Variants in MCTP2 observed in about 807,000 individuals in gnomAD.
MCTP2 encodes the protein multiple C2 and transmembrane domain containing 2.
Under a neutral mutation model 111.6 loss-of-function variants are expected in MCTP2, and 132 were observed. The observed-to-expected ratio is 1.18, with a 90% CI of 1.03 to 1.37. The LOEUF (loss-of-function observed/expected upper bound fraction) is 1.37. Among genes scored for constraint, MCTP2 ranks in the 40% most tolerant of loss-of-function variants. MCTP2 has a pLI of 0.00. For synonymous variants in MCTP2, 395 were observed against 387.7 expected, an observed-to-expected ratio of 1.02 and a Z score of -0.22; for missense variants, 1,183 against 1,067.9, an observed-to-expected ratio of 1.11 and a Z score of -1.50.
At chr15:94,295,534 A>T (rs1224899232) in intron 1 of MCTP2, among the ~76,000 whole-genome samples, 1 of 152,098 alleles carries the variant, frequency 6.6e-6, no homozygotes, top group African/African-American at 2.4e-5. Flanking sequence ...TATTTCACAC[A>T]TGTGCTGAGT....
Position 94,356,240 on chromosome 15 carries a change from G to C in MCTP2, c.1109G>C (p.Gly370Ala). The change falls in exon 9 of 23, where the codon GGA (glycine) becomes GCA (alanine). Residue 370 changes from glycine (G) to alanine (A), a missense_variant. Transcript: ENST00000357742. ...TTGTTGGAAGGGAAGAATGTCTCAG[G>C]AGGAAGCATGACAGAGATGTTTGTC... Reference protein sequence around the residue: ...ITLLEGKNVSGGSMTEMFVQL... With the variant: ...ITLLEGKNVSAGSMTEMFVQL... 6.2e-7 allele frequency: 1 copy of C among 1,613,352 alleles called. No individual in the cohort carries two copies. Among genetic ancestry groups the C allele is most frequent in the Non-Finnish European group, 8.5e-7 (1 of 1,179,582 alleles).
chr15:94,356,389 T>C, intron 9 of MCTP2, 88 bp downstream of exon 9: 2 of 1,254,920 alleles, frequency 1.6e-6, no homozygotes, highest in Non-Finnish European at 2.1e-6. Context: ...TTTACAAAAG[T>C]AGAAGTAATT....
intron 1 of MCTP2, among the ~76,000 whole-genome samples, chr15:94,285,849 C>G (rs1035371521): frequency 6.6e-6 from 1 of 152,186 alleles, no homozygotes; most frequent in South Asian, 2.1e-4. Context: ...AAGATAGGAT[C>G]TTACTTCTCT....
intron 4 of MCTP2, among the ~76,000 whole-genome samples, chr15:94,316,035 T>C (rs530366531): frequency 1.6e-4 from 24 of 152,268 alleles, no homozygotes; most frequent in African/African-American, 5.8e-4. Flanking sequence ...TTTGAAACTA[T>C]CTCCCTTCTG....
At position 94,325,812 on chromosome 15, in the gene MCTP2, A is replaced by ATTTT. The variant is rs557989149; in HGVS notation, c.637+10198_637+10201dup. On this transcript the variant is annotated intron_variant, in intron 4 of 22. Coordinates refer to ENST00000357742, the MANE Select transcript of MCTP2 (RefSeq NM_001385001.1). The stretch of plus-strand genomic sequence containing the variant: ...GAACCTACTCTACTCCATCGCTCCG[A>ATTTT]TTTTTTTTTTTTTTTTTTTTTTTTT... Among the ~76,000 whole-genome samples the ATTTT allele has an allele frequency of 3.0e-4, 28 of 91,874 alleles. 3 individuals carry two copies. Among genetic ancestry groups the ATTTT allele is most frequent in the South Asian group, 3.8e-4 (1 of 2,606 alleles). The allele number at this position is 91,874 out of a possible 152,430, so 60.3% of individuals were successfully genotyped here. A position where few individuals can be genotyped will look rare whatever the true frequency, so the allele number is the denominator to read the frequency against.
chr15:94,316,446 T>A (rs1205954932), intron 4 of MCTP2, among the ~76,000 whole-genome samples: 1 of 152,192 alleles, frequency 6.6e-6, no homozygotes, highest in Admixed American at 6.5e-5. Flanking sequence ...TGGGCCCGGA[T>A]CTTGGCTTCT....
chr15:94,382,540 C>G (rs1185859197), intron 12 of MCTP2, among the ~76,000 whole-genome samples: 1 of 152,260 alleles, frequency 6.6e-6, no homozygotes, highest in East Asian at 1.9e-4. Flanking sequence ...ATCGCCCATG[C>G]GTCTGCTCTT....
chr15:94,464,260 TA>T lies in MCTP2; in HGVS notation c.2360+6015del, dbSNP rs71135512. On this transcript the variant is annotated intron_variant, in intron 20 of 22. Coordinates refer to ENST00000357742, the MANE Select transcript of MCTP2 (RefSeq NM_001385001.1). ...ATATAATATATATATATATATATTATATATATATATATATATATAAACGTCA... is the reference window on the plus strand; with the variant it reads ...ATATAATATATATATATATATATTATTATATATATATATATATAAACGTCA... Among the ~76,000 whole-genome samples the T allele has an allele frequency of 7.2e-4, 28 of 38,696 alleles. 2 individuals carry two copies. The highest frequency in any genetic ancestry group is 1.2e-3 in the African/African-American group (13 of 10,916). 25.4% of individuals were successfully genotyped at this position (38,696 alleles called of 152,430 possible).
chr15:94,359,097 C>CA, intron 10 of MCTP2, among the ~76,000 whole-genome samples: 1 of 152,198 alleles, frequency 6.6e-6, no homozygotes, highest in East Asian at 1.9e-4. Context: ...CTGAGACACT[C>CA]ACATGTGTAA....
chr15:94,389,682 A>AGT (rs1215518187), intron 14 of MCTP2, among the ~76,000 whole-genome samples: 1 of 152,130 alleles, frequency 6.6e-6, no homozygotes, highest in African/African-American at 2.4e-5. Flanking sequence ...CTTTATAGGC[A>AGT]GTGGAGCCAT....
chr15:94,351,393 A>G (rs926314196), intron 8 of MCTP2, among the ~76,000 whole-genome samples: 8 of 152,238 alleles, frequency 5.3e-5, no homozygotes, highest in African/African-American at 1.9e-4. Context: ...CTTGAAAGGA[A>G]TATTTCAGTG....
At chr15:94,383,425 TC>T (rs1384007516) in intron 12 of MCTP2, among the ~76,000 whole-genome samples, 1 of 152,230 alleles carries the variant, frequency 6.6e-6, no homozygotes, top group Admixed American at 6.5e-5. Flanking sequence ...CCGCTGGCTT[TC>T]AAGGCCTGGT....
chr15:94,364,213 T>G (rs545302927), intron 10 of MCTP2, among the ~76,000 whole-genome samples: 1 of 152,284 alleles, frequency 6.6e-6, no homozygotes, highest in East Asian at 1.9e-4. Flanking sequence ...AACCTTCATT[T>G]GTTTACATTG....
At chr15:94,478,846 G>A in intron 22 of MCTP2, 120 bp from the exon 23 acceptor site, 1 of 754,090 alleles carries the variant, frequency 1.3e-6, no homozygotes, top group Admixed American at 2.2e-5. Context: ...TTTAGAAAAT[G>A]ATTCATTACC....
At chr15:94,447,682 G>A (rs1417945093) in intron 19 of MCTP2, among the ~76,000 whole-genome samples, 1 of 152,148 alleles carries the variant, frequency 6.6e-6, no homozygotes, top group Non-Finnish European at 1.5e-5. Context: ...CGGCCTGTTT[G>A]CGCTTTCTTA....
intron 1 of MCTP2, among the ~76,000 whole-genome samples, chr15:94,268,184 C>CTTT (rs370731655): frequency 1.5e-5 from 2 of 132,262 alleles, no homozygotes. Flanking sequence ...TTCTTTCTTT[C>CTTT]TTTTTTTTTT....
intron 20 of MCTP2, among the ~76,000 whole-genome samples, chr15:94,466,579 T>C (rs561689339): frequency 2.6e-5 from 4 of 152,278 alleles, no homozygotes; most frequent in African/African-American, 9.6e-5. Flanking sequence ...ATATGTAAGC[T>C]TTATGCAATG....
chr15:94,281,107 G>A (rs945722359), intron 1 of MCTP2, among the ~76,000 whole-genome samples: 5 of 152,126 alleles, frequency 3.3e-5, no homozygotes, highest in Admixed American at 2.0e-4. Context: ...TTGAGTTTAG[G>A]TCTCAAATAT....
In MCTP2 at chr15:94,390,090, GTATATATATA is replaced by G. The variant is rs1168909587; in HGVS notation, c.1788+4579_1788+4588del. 4.7e-3 allele frequency among the ~76,000 whole-genome samples: 303 copies of G among 64,918 alleles called. 10 individuals carry two copies. The highest frequency in any genetic ancestry group is 0.027 in the Middle Eastern group (3 of 112). 42.6% of individuals were successfully genotyped at this position (64,918 alleles called of 152,430 possible). ...TATATATATATATATATATATATAT[GTATATATATA>G]TATATATATATATGTATATATATAT... On this transcript the variant is annotated intron_variant, in intron 14 of 22. Transcript: ENST00000357742.
Sources: allele counts gnomAD v4.1 joint callset (sites outside exome capture counted in the v4.1 genomes callset), GRCh38; gene constraint gnomAD v4.1.1; transcripts MANE v1.5; gene names NCBI Gene and HGNC (gene_info 2026-07-23, HGNC 2026-07-21).